Variants in CLNK observed in about 807,000 individuals in gnomAD.
CLNK encodes the protein cytokine dependent hematopoietic cell linker.
CLNK carries 74 observed loss-of-function variants against 68.6 expected under a neutral mutation model. The ratio of observed to expected loss-of-function variants is 1.08; its 90% CI spans 0.89 to 1.31. CLNK has a LOEUF of 1.31. Ranked by LOEUF, CLNK falls within the 50% of genes most tolerant of loss-of-function variation. CLNK has a pLI of 0.00. For missense variants in CLNK, 553 were observed against 515.3 expected, an observed-to-expected ratio of 1.07 and a Z score of -0.71; for synonymous variants, 198 against 172.2, an observed-to-expected ratio of 1.15 and a Z score of -1.17.
At chr4:10,603,734 T>C (rs1253112203) in intron 2 of CLNK, among the ~76,000 whole-genome samples, 2 of 152,198 alleles carry the variant, frequency 1.3e-5, no homozygotes, top group Non-Finnish European at 2.9e-5. Flanking sequence ...GCCAGGTCTA[T>C]GCACTCCTGG....
chr4:10,522,356 C>T (rs1450482909), intron 14 of CLNK, among the ~76,000 whole-genome samples: 1 of 151,446 alleles, frequency 6.6e-6, no homozygotes, highest in Non-Finnish European at 1.5e-5. Flanking sequence ...AGCAGATCAC[C>T]TGAGGTCAGG....
intron 2 of CLNK, among the ~76,000 whole-genome samples, chr4:10,666,563 A>T (rs1227945596): frequency 6.6e-6 from 1 of 152,224 alleles, no homozygotes; most frequent in Non-Finnish European, 1.5e-5. Flanking sequence ...CTCCATCTTC[A>T]TCTCAATGCT....
intron 3 of CLNK, among the ~76,000 whole-genome samples, chr4:10,593,408 T>C (rs1721262266): frequency 6.6e-6 from 1 of 151,770 alleles, no homozygotes; most frequent in Non-Finnish European, 1.5e-5. Context: ...TCATCCCAGG[T>C]CTTTGGGAGG....
At chr4:10,627,497 T>C (rs983052316) in intron 2 of CLNK, among the ~76,000 whole-genome samples, 2 of 152,190 alleles carry the variant, frequency 1.3e-5, no homozygotes, top group African/African-American at 4.8e-5. Flanking sequence ...TAGAGTACTA[T>C]GTTAGGTCTG....
chr4:10,507,756 A>G (rs1431410812), intron 17 of CLNK, among the ~76,000 whole-genome samples: 1 of 152,108 alleles, frequency 6.6e-6, no homozygotes, highest in African/African-American at 2.4e-5. Flanking sequence ...TGCTAGGATT[A>G]CAGGTGTGAG....
chr4:10,652,381 C>CAAAAAAAAAAAA (rs67304153), intron 2 of CLNK, among the ~76,000 whole-genome samples: 7 of 50,722 alleles, frequency 1.4e-4, no homozygotes, highest in Admixed American at 3.1e-4. Context: ...GACTCTGTCT[C>CAAAAAAAAAAAA]AAAAAAAAAA....
At chr4:10,712,050 C>T in the CLNK span, among the ~76,000 whole-genome samples, 60,871 of 151,994 alleles carry the variant, frequency 0.4, 13,709 homozygotes, top group East Asian at 0.58. Flanking sequence ...AGTAGGTGAT[C>T]AAAAGTGAGT....
chr4:10,603,010 T>C (rs1407225894), intron 2 of CLNK, among the ~76,000 whole-genome samples: 1 of 152,194 alleles, frequency 6.6e-6, no homozygotes, highest in East Asian at 1.9e-4. Context: ...ATCTTAGTTA[T>C]TCCCCTCTAA....
chr4:10,532,107 T>C (rs1718567735), intron 12 of CLNK, 149 bp downstream of exon 12: 1 of 712,682 alleles, frequency 1.4e-6, no homozygotes, highest in South Asian at 1.6e-5. Context: ...GGCTTTCTTA[T>C]CTTTAAAATA....
chr4:10,597,688 T>A (rs1721437547), intron 3 of CLNK, among the ~76,000 whole-genome samples: 1 of 152,190 alleles, frequency 6.6e-6, no homozygotes, highest in African/African-American at 2.4e-5. Flanking sequence ...AGCCTCTCCA[T>A]CACTGGCTCT....
In CLNK at chr4:10,617,253, G is replaced by T. The variant is rs115592673; in HGVS notation, c.12-19204C>A. Among the ~76,000 whole-genome samples, 644 of 152,124 alleles carry T rather than the reference G, an allele frequency of 4.2e-3. 5 individuals carry two copies. Among genetic ancestry groups the T allele is most frequent in the African/African-American group, 0.015 (616 of 41,480 alleles). ...CTTATCCCTTGCTTAATATGCTAAT[G>T]TCTTCAATATTTGTTTATCTGTTCT... On this transcript the variant is annotated intron_variant, in intron 2 of 18. Coordinates refer to ENST00000226951, the MANE Select transcript of CLNK (RefSeq NM_052964.4).
the CLNK span, among the ~76,000 whole-genome samples, chr4:10,695,579 C>T: frequency 6.6e-6 from 1 of 152,196 alleles, no homozygotes; most frequent in Non-Finnish European, 1.5e-5. Context: ...CCCGTCAGGG[C>T]CTCCCAGATC....
intron 8 of CLNK, among the ~76,000 whole-genome samples, chr4:10,553,980 A>G (rs575400648): frequency 1.2e-4 from 19 of 152,292 alleles, no homozygotes; most frequent in African/African-American, 4.6e-4. Flanking sequence ...GGGCCACTCA[A>G]TTATCTGTAA....
chr4:10,723,439 G>A, the CLNK span, among the ~76,000 whole-genome samples: 2 of 152,084 alleles, frequency 1.3e-5, no homozygotes, highest in Non-Finnish European at 2.9e-5. Context: ...AGGAACTTGT[G>A]GGTCTCTCTG....
the CLNK span, among the ~76,000 whole-genome samples, chr4:10,719,109 C>A: frequency 1.3e-5 from 2 of 151,854 alleles, no homozygotes; most frequent in Non-Finnish European, 2.9e-5. Flanking sequence ...AAATAACACA[C>A]AGGAAGGCAG....
chr4:10,726,946 G>A, the CLNK span, among the ~76,000 whole-genome samples: 3 of 152,244 alleles, frequency 2.0e-5, no homozygotes, highest in East Asian at 3.9e-4. Flanking sequence ...TTTCTTTAGG[G>A]CCAGATAGCA....
chr4:10,566,768 G>A (rs1382532837), intron 5 of CLNK, among the ~76,000 whole-genome samples: 1 of 152,096 alleles, frequency 6.6e-6, no homozygotes, highest in Non-Finnish European at 1.5e-5. Flanking sequence ...AGGATTGCTG[G>A]AGGCTAGGAG....
chr4:10,725,137 A>G, the CLNK span, among the ~76,000 whole-genome samples: 6 of 152,236 alleles, frequency 3.9e-5, no homozygotes, highest in East Asian at 9.7e-4. Flanking sequence ...CCCAGGTCCC[A>G]TAGCACCGTA....
At chr4:10,495,846 A>C (rs560455804) in intron 18 of CLNK, among the ~76,000 whole-genome samples, 8 of 152,014 alleles carry the variant, frequency 5.3e-5, no homozygotes, top group African/African-American at 1.9e-4. Flanking sequence ...GATGAGGAGA[A>C]GGTCACGTGA....
Sources: gnomAD v4.1 joint callset for allele counts (sites outside exome capture counted in the v4.1 genomes callset) on GRCh38, gnomAD v4.1.1 for gene constraint, MANE v1.5 for transcripts, NCBI Gene and HGNC (gene_info 2026-07-23, HGNC 2026-07-21) for gene names.